TRIQK: variants seen among roughly 807,000 people sequenced by gnomAD.
TRIQK encodes the protein triple QxxK/R motif-containing protein.
In TRIQK, 10 loss-of-function variants were observed where a neutral mutation model predicts 10.8. The ratio of observed to expected loss-of-function variants is 0.92; its 90% confidence interval spans 0.57 to 1.57. TRIQK has a LOEUF of 1.57. TRIQK is among the 40% of genes most tolerant of loss of function. TRIQK has a pLI of 0.00. For missense variants in TRIQK, 107 were observed against 97.7 expected, an observed-to-expected ratio of 1.09 and a Z score of -0.40; for synonymous variants, 33 against 33.7, an observed-to-expected ratio of 0.98 and a Z score of 0.07.
intron 3 of TRIQK, among the ~76,000 whole-genome samples, chr8:92,914,674 T>C (rs1809737209): frequency 6.6e-6 from 1 of 152,118 alleles, no homozygotes; most frequent in South Asian, 2.1e-4. Flanking sequence ...AGAGAAGTGC[T>C]AATCCAACCA....
At chr8:92,934,407 A>C (rs2130570811) in intron 2 of TRIQK, among the ~76,000 whole-genome samples, 1 of 152,046 alleles carries the variant, frequency 6.6e-6, no homozygotes, top group African/African-American at 2.4e-5. Context: ...TAAGTACATA[A>C]CTTTTAAGCA....
At chr8:93,012,152 T>C (rs1051633871) in intron 1 of TRIQK, among the ~76,000 whole-genome samples, 1 of 152,176 alleles carries the variant, frequency 6.6e-6, no homozygotes, top group Admixed American at 6.6e-5. Context: ...GGGCTAATTT[T>C]GAACTCTTGA....
chr8:92,908,273 CT>C (rs1476629582), intron 3 of TRIQK, among the ~76,000 whole-genome samples: 8 of 152,080 alleles, frequency 5.3e-5, no homozygotes, highest in African/African-American at 1.9e-4. Context: ...CAACAGTCGA[CT>C]TTACACTAGC....
chr8:92,898,333 C>T (rs777414345), intron 3 of TRIQK, among the ~76,000 whole-genome samples: 15 of 152,036 alleles, frequency 9.9e-5, no homozygotes, highest in Non-Finnish European at 1.8e-4. Flanking sequence ...GCTACGCTAA[C>T]GTTTTCCGTA....
chr8:92,938,196 C>T (rs1811087131), intron 2 of TRIQK, among the ~76,000 whole-genome samples: 1 of 151,938 alleles, frequency 6.6e-6, no homozygotes, highest in South Asian at 2.1e-4. Flanking sequence ...TGTCTACCAA[C>T]TGGGATAGTT....
intron 1 of TRIQK, among the ~76,000 whole-genome samples, chr8:92,993,980 G>A (rs1813123975): frequency 6.6e-6 from 1 of 152,096 alleles, no homozygotes; most frequent in Admixed American, 6.5e-5. Context: ...ACTTCCTCGG[G>A]CAGTTGGAAC....
In TRIQK at chr8:92,928,251, A is replaced by C. The variant is rs529374657; in HGVS notation, c.-21-11241T>G. Among the ~76,000 whole-genome samples, 4 of 152,290 alleles carry C rather than the reference A, an allele frequency of 2.6e-5. No homozygotes were observed. The East Asian group carries it at 7.7e-4, about 29-fold the overall frequency. ...AGTATCTTGAACTACCTTTATCTCAAAACTGCAATGAGTACTCAGGCCTCT... is the reference window on the plus strand; with the variant it reads ...AGTATCTTGAACTACCTTTATCTCACAACTGCAATGAGTACTCAGGCCTCT... On this transcript the variant is annotated intron_variant, in intron 2 of 4. Transcript: ENST00000521988.
intron 3 of TRIQK, among the ~76,000 whole-genome samples, chr8:92,899,403 C>T (rs574315649): frequency 5.3e-5 from 8 of 152,050 alleles, no homozygotes; most frequent in Non-Finnish European, 1.2e-4. Context: ...CTCCCCAATA[C>T]TCTTCCCAGT....
intron 3 of TRIQK, among the ~76,000 whole-genome samples, chr8:92,903,384 T>A (rs947423405): frequency 1.3e-5 from 2 of 151,872 alleles, no homozygotes. Flanking sequence ...TATAAAGAAT[T>A]ATACACGTGA....
chr8:92,906,846 T>C (rs920153702), intron 3 of TRIQK, among the ~76,000 whole-genome samples: 7 of 150,258 alleles, frequency 4.7e-5, no homozygotes, highest in African/African-American at 1.7e-4. Flanking sequence ...TGAGCTGAGA[T>C]AGCGCCACTA....
chr8:92,981,610 A>G (rs959343804), intron 1 of TRIQK, among the ~76,000 whole-genome samples: 3 of 151,912 alleles, frequency 2.0e-5, no homozygotes, highest in African/African-American at 7.2e-5. Flanking sequence ...ATATTAAGTC[A>G]GTATAAAATA....
At chr8:92,952,268 A>C (rs1487534537) in intron 2 of TRIQK, among the ~76,000 whole-genome samples, 2 of 152,064 alleles carry the variant, frequency 1.3e-5, no homozygotes, top group Admixed American at 1.3e-4. Context: ...TTAAGAAGGA[A>C]CCAAAAGAAA....
intron 1 of TRIQK, among the ~76,000 whole-genome samples, chr8:92,994,200 A>G (rs1275119776): frequency 6.6e-6 from 1 of 152,180 alleles, no homozygotes; most frequent in Non-Finnish European, 1.5e-5. Flanking sequence ...ATACAGGTTT[A>G]AAGTTTTCAT....
At chr8:93,000,364 G>A (rs1356932216) in intron 1 of TRIQK, among the ~76,000 whole-genome samples, 1 of 152,180 alleles carries the variant, frequency 6.6e-6, no homozygotes, top group Non-Finnish European at 1.5e-5. Context: ...ATGGCAGAAG[G>A]TGAAGAAAGA....
intron 4 of TRIQK, 65 bp from the exon 5 acceptor site, chr8:92,886,800 A>G: frequency 1.2e-6 from 1 of 858,554 alleles, no homozygotes; most frequent in Non-Finnish European, 1.9e-6. Context: ...TATTAGTTTC[A>G]CCAGATAAAA....
At chr8:92,887,830 T>C (rs1236032646) in intron 4 of TRIQK, among the ~76,000 whole-genome samples, 1 of 151,706 alleles carries the variant, frequency 6.6e-6, no homozygotes, top group Non-Finnish European at 1.5e-5. Flanking sequence ...AGATCTTTTA[T>C]ACAGATTTTT....
At chr8:92,951,656 C>A (rs1179483718) in intron 2 of TRIQK, among the ~76,000 whole-genome samples, 1 of 152,072 alleles carries the variant, frequency 6.6e-6, no homozygotes. Flanking sequence ...TGAGAAAAAT[C>A]CCAGTGGGAG....
chr8:93,009,021 A>C (rs1405397529), intron 1 of TRIQK, among the ~76,000 whole-genome samples: 1 of 152,254 alleles, frequency 6.6e-6, no homozygotes, highest in East Asian at 1.9e-4. Context: ...TAATCAAGCA[A>C]GTGAAGAGAC....
At chr8:92,994,520 T>C (rs1233979582) in intron 1 of TRIQK, among the ~76,000 whole-genome samples, 1 of 152,124 alleles carries the variant, frequency 6.6e-6, no homozygotes, top group African/African-American at 2.4e-5. Context: ...GAGGAACAAT[T>C]TAAATAATTG....
Sources: gnomAD v4.1 joint callset for allele counts (sites outside exome capture counted in the v4.1 genomes callset) on GRCh38, gnomAD v4.1.1 for gene constraint, MANE v1.5 for transcripts, NCBI Gene and HGNC (gene_info 2026-07-23, HGNC 2026-07-21) for gene names.